The following ZC3H3 variants were observed in gnomAD, a reference collection of about 807,000 sequenced individuals.
ZC3H3 encodes the protein zinc finger CCCH-type containing 3, also known as zinc finger CCCH domain-containing protein 3.
A neutral mutation model predicts 77.3 loss-of-function variants in ZC3H3; 36 were observed. The observed-to-expected ratio is 0.47, with a 90% confidence interval of 0.36 to 0.61. ZC3H3 has a LOEUF of 0.61. Ranked by LOEUF, ZC3H3 falls within the 20% of genes least tolerant of loss-of-function variation. ZC3H3 has a pLI of 0.00. For missense variants in ZC3H3, 1,331 were observed against 1,312.2 expected (o/e 1.01, Z -0.22); for synonymous variants, 626 against 555.2 (o/e 1.13, Z -1.79).
rs1365080591 is a variant in ZC3H3 at position 143,468,268 on chromosome 8, C to G, written c.2116G>C (p.Gly706Arg). 6.2e-7 allele frequency: 1 copy of G among 1,613,110 alleles called. No homozygotes were observed. ...GTCCCATCCGTTTTCTTGCAGGTGCCCCGGACAAACCTGCAGCACCAGGAG... is the reference window on the plus strand; with the variant it reads ...GTCCCATCCGTTTTCTTGCAGGTGCGCCGGACAAACCTGCAGCACCAGGAG... ...KVAVCTRFVR[G>R]TCKKTDGTCP... Residue 706 changes from glycine to arginine, a missense_variant, in exon 8 of 12, where the codon GGC becomes CGC. Gly to Arg is a moderately radical substitution (Grantham distance 125). Around this residue, in one of 3 missense-constraint regions of ZC3H3, gnomAD observed 104 missense variants for 159.7 expected, o/e 0.65. Coordinates refer to ENST00000262577, the MANE Select transcript of ZC3H3 (RefSeq NM_015117.3).
At chr8:143,505,760 G>C (rs894101961) in intron 4 of ZC3H3, among the ~76,000 whole-genome samples, 5 of 152,210 alleles carry the variant, frequency 3.3e-5, no homozygotes, top group African/African-American at 1.2e-4. Flanking sequence ...CTGAGGCCTG[G>C]AGCCCATGGC....
rs1223925604 is a variant in ZC3H3, at chr8:143,538,818, G to A, written c.549C>T (p.Cys183=). 6.2e-7 allele frequency: 1 copy of A among 1,612,260 alleles called. No homozygotes were observed. ...PSRPTRARGT[C]SVEDPLLVCQ... The stretch of plus-strand genomic sequence containing the variant: ...AGACCAGAAGAGGATCTTCCACACT[G>A]CAGGTCCCCCTGGCTCTTGTTGGCC... Residue 183 remains cysteine (C), a synonymous_variant, in exon 2 of 12, where the codon TGC becomes TGT. Coordinates refer to ENST00000262577, the MANE Select transcript of ZC3H3 (RefSeq NM_015117.3).
chr8:143,507,848 G>A lies in ZC3H3; in HGVS notation c.1613C>T (p.Thr538Ile). The change falls in exon 4 of 12, where the codon ACC (threonine) becomes ATC (isoleucine). Residue 538 changes from threonine (T) to isoleucine (I), a missense_variant. Physicochemically the swap from Thr to Ile is moderately conservative, Grantham distance 89. Coordinates refer to ENST00000262577, the MANE Select transcript of ZC3H3 (RefSeq NM_015117.3). ...CGTCTTCTTGACAATGCGGTAGCGG[G>A]TCTTGATCACCTTGCTGGTGGGTGC... ...RTAPTSKVIK[T>I]RYRIVKKTPA... The A allele has an allele frequency of 5.0e-6, 8 of 1,610,488 alleles. No individual in the cohort carries two copies. Among genetic ancestry groups the A allele is most frequent in the Non-Finnish European group, 5.9e-6 (7 of 1,178,492 alleles).
intron 4 of ZC3H3, among the ~76,000 whole-genome samples, chr8:143,496,502 C>T (rs1412171890): frequency 6.6e-6 from 1 of 152,210 alleles, no homozygotes; most frequent in African/African-American, 2.4e-5. Context: ...ACCTGAGAAC[C>T]AGAATAACAG....
chr8:143,510,773 T>A (rs1053616356), intron 3 of ZC3H3, among the ~76,000 whole-genome samples: 2 of 151,792 alleles, frequency 1.3e-5, no homozygotes, highest in African/African-American at 4.8e-5. Context: ...GATAATCGTG[T>A]TATTTAGATA....
chr8:143,485,647 A>T (rs1821031292), intron 4 of ZC3H3, among the ~76,000 whole-genome samples: 1 of 152,276 alleles, frequency 6.6e-6, no homozygotes. Context: ...CAGGACACAA[A>T]GAGCACTACT....
In ZC3H3 at chr8:143,486,767, C is replaced by T. The variant is rs529279661; in HGVS notation, c.1716-11182G>A. Among the ~76,000 whole-genome samples, 29 of 149,550 alleles carry T rather than the reference C, an allele frequency of 1.9e-4. No homozygotes were observed. The East Asian group carries it at 5.6e-3, about 29-fold the overall frequency. On this transcript the variant is annotated intron_variant, in intron 4 of 11. Transcript: ENST00000262577. ...CACCCGCTACACGACCCCATCACCA[C>T]GAAGCTCACACACAGAACAGCACCC...
intron 4 of ZC3H3, among the ~76,000 whole-genome samples, chr8:143,479,843 A>T (rs1272077493): frequency 1.3e-5 from 2 of 152,198 alleles, no homozygotes; most frequent in Non-Finnish European, 2.9e-5. Context: ...TTTTAAATGA[A>T]AAGCAGCAGT....
chr8:143,503,036 T>C (rs1821572519), intron 4 of ZC3H3, among the ~76,000 whole-genome samples: 1 of 152,204 alleles, frequency 6.6e-6, no homozygotes, highest in African/African-American at 2.4e-5. Context: ...TCCTGTGTAT[T>C]TGGCAGATGC....
rs1378252199 is a variant in ZC3H3 at position 143,462,307 on chromosome 8, G to GC, written c.2307+3409dup. The stretch of plus-strand genomic sequence containing the variant: ...ACACCCACAGCTGCCTCTTGAGCCA[G>GC]CATCAGGCAATGCAGGAGGCACTCT... On this transcript the variant is annotated intron_variant, in intron 9 of 11. Coordinates refer to ENST00000262577, the MANE Select transcript of ZC3H3 (RefSeq NM_015117.3). This position sits in a 1 kb window ranked among gnomAD's most constrained non-coding sequence, Gnocchi z 4.7. 6.6e-6 allele frequency among the ~76,000 whole-genome samples: 1 copy of GC among 152,232 alleles called. No individual in the cohort carries two copies. Among genetic ancestry groups the GC allele is most frequent in the East Asian group, 1.9e-4 (1 of 5,196 alleles).
At chr8:143,540,852 A>T (rs1822987901) in intron 1 of ZC3H3, among the ~76,000 whole-genome samples, 1 of 152,148 alleles carries the variant, frequency 6.6e-6, no homozygotes, top group Non-Finnish European at 1.5e-5. Context: ...CGTACTCCGG[A>T]GGCTGAGGCA....
intron 5 of ZC3H3, among the ~76,000 whole-genome samples, chr8:143,469,428 G>C (rs1310565053): frequency 3.9e-5 from 6 of 152,220 alleles, no homozygotes; most frequent in Admixed American, 3.9e-4. Flanking sequence ...GTGGAGGTCT[G>C]GGGGAAGGGC....
At chr8:143,491,661 C>CA (rs1193314113) in intron 4 of ZC3H3, among the ~76,000 whole-genome samples, 2 of 152,258 alleles carry the variant, frequency 1.3e-5, no homozygotes, top group African/African-American at 4.8e-5. Context: ...GTCCTGGACT[C>CA]ACGGGTCCCT....
chr8:143,442,774 C>A (rs1339029802), intron 9 of ZC3H3, among the ~76,000 whole-genome samples: 2 of 152,196 alleles, frequency 1.3e-5, no homozygotes, highest in Admixed American at 6.5e-5. Context: ...ATGCACATTT[C>A]TTTTTCCTTG....
chr8:143,444,069 G>A (rs559087037), intron 9 of ZC3H3, among the ~76,000 whole-genome samples: 42 of 151,816 alleles, frequency 2.8e-4, no homozygotes, highest in African/African-American at 1.0e-3. Flanking sequence ...CTGCCTCCTG[G>A]GTTCACACCA....
intron 3 of ZC3H3, among the ~76,000 whole-genome samples, chr8:143,532,680 C>A (rs1013234668): frequency 1.3e-5 from 2 of 152,234 alleles, no homozygotes; most frequent in Non-Finnish European, 2.9e-5. Context: ...CAAAGCTGGG[C>A]CCTGCCCAGA....
chr8:143,536,769 A>G (rs1044996952), intron 2 of ZC3H3, among the ~76,000 whole-genome samples: 16 of 152,012 alleles, frequency 1.1e-4, no homozygotes, highest in Middle Eastern at 3.4e-3. Context: ...CCATCTGCCC[A>G]GGAAAAAGGA....
intron 9 of ZC3H3, among the ~76,000 whole-genome samples, chr8:143,457,136 T>C (rs1031543240): frequency 2.0e-5 from 3 of 152,200 alleles, no homozygotes; most frequent in Non-Finnish European, 2.9e-5. Flanking sequence ...CAGTGGGATA[T>C]ACATTCTTTT....
Position 143,494,514 on chromosome 8 carries a change from A to G in ZC3H3, c.1715+13232T>C, listed in dbSNP as rs1277021496. Among the ~76,000 whole-genome samples, 1 of 152,192 alleles carries G rather than the reference A, an allele frequency of 6.6e-6. No individual in the cohort carries two copies. Among genetic ancestry groups the G allele is most frequent in the Non-Finnish European group, 1.5e-5 (1 of 68,026 alleles). On this transcript the variant is annotated intron_variant, in intron 4 of 11. Coordinates refer to ENST00000262577, the MANE Select transcript of ZC3H3 (RefSeq NM_015117.3). This position sits in a 1 kb window ranked among gnomAD's most constrained non-coding sequence, Gnocchi z 5.3. ...TGTGGCCACCCCTGCCAACAGGCCC[A>G]CACAAGGCCCGGGCAGGTCAGGGCC...
Sources: gnomAD v4.1 joint callset for allele counts (sites outside exome capture counted in the v4.1 genomes callset) on GRCh38, gnomAD v4.1.1 for gene constraint, gnomAD v4.1.1 regional missense constraint, Gnocchi (gnomAD v3.1) non-coding constraint, MANE v1.5 for transcripts, NCBI Gene and HGNC (gene_info 2026-07-23, HGNC 2026-07-21) for gene names.